SEC24D: variants seen among roughly 807,000 people sequenced by gnomAD.
The protein encoded by SEC24D is SEC24 homolog D, COPII component.
Under a neutral mutation model 116.9 loss-of-function variants are expected in SEC24D, and 69 were observed. That is an observed-to-expected ratio of 0.59 (90% CI 0.49 to 0.72). SEC24D has a LOEUF of 0.72. Ranked by LOEUF, SEC24D falls within the 30% of genes least tolerant of loss-of-function variation. The pLI, the probability that SEC24D is intolerant of heterozygous loss-of-function variation, is 0.00. For missense variants in SEC24D, 1,131 were observed against 1,264.1 expected (o/e 0.89, Z 1.60); for synonymous variants, 405 against 442.8 (o/e 0.91, Z 1.07).
intron 2 of SEC24D, among the ~76,000 whole-genome samples, chr4:118,832,795 T>G (rs944255005): frequency 6.6e-6 from 1 of 152,192 alleles, no homozygotes; most frequent in African/African-American, 2.4e-5. Flanking sequence ...AAATAAATGC[T>G]GAGGAGAAAT....
rs139422490 is a variant in SEC24D at position 118,741,008 on chromosome 4, G to A, written c.2025C>T (p.Asn675=). 1.2e-4 allele frequency: 193 copies of A among 1,586,232 alleles called. 1 individual carries two copies. The highest frequency in any genetic ancestry group is 5.3e-4 in the Middle Eastern group (3 of 5,688). ...TCTTTTCAATATCATTTCTGAGGTC[G>A]TTCAAAAATTGTTGTCTATCCAAGT... ...QMHLDRQQFL[N]DLRNDIEKKI... The change falls in exon 16 of 23, where the codon AAC becomes AAT. Residue 675 remains asparagine (N), a synonymous_variant. Transcript: ENST00000280551.
In SEC24D at chr4:118,740,704, G is replaced by A; in HGVS notation, c.2197C>T (p.His733Tyr). The change falls in exon 17 of 23, where the codon CAC (histidine) becomes TAC (tyrosine). Residue 733 changes from histidine to tyrosine, a missense_variant. Physicochemically the swap from His to Tyr is moderately conservative, Grantham distance 83. Coordinates refer to ENST00000280551, the MANE Select transcript of SEC24D (RefSeq NM_014822.4). ...CTGTCTTCACTGAGTTTGTCATCGT[G>A]CTTGAACTCCACGGTCACTGCCTTG... ...CDKAVTVEFK[H>Y]DDKLSEDSGA... The A allele has an allele frequency of 6.2e-7, 1 of 1,613,930 alleles. No individual in the cohort carries two copies. The highest frequency in any genetic ancestry group is 8.5e-7 in the Non-Finnish European group (1 of 1,179,842).
At chr4:118,816,977 A>G (rs1730177470) in intron 4 of SEC24D, 1 of 357,592 alleles carries the variant, frequency 2.8e-6, no homozygotes, top group Non-Finnish European at 5.1e-6. Flanking sequence ...CACTATTCTA[A>G]TGTTTATTTG....
chr4:118,750,838 A>C (rs1726789877), intron 13 of SEC24D, among the ~76,000 whole-genome samples: 1 of 151,970 alleles, frequency 6.6e-6, no homozygotes, highest in Admixed American at 6.6e-5. Flanking sequence ...TTTTATGTTA[A>C]ATTGACATAT....
At chr4:118,770,697 T>C (rs1365974148) in intron 8 of SEC24D, among the ~76,000 whole-genome samples, 1 of 152,166 alleles carries the variant, frequency 6.6e-6, no homozygotes, top group Non-Finnish European at 1.5e-5. Flanking sequence ...TTATTATCAC[T>C]GATATGATTT....
intron 3 of SEC24D, among the ~76,000 whole-genome samples, chr4:118,819,530 CAAAAAAAAAA>C (rs373794417): frequency 1.6e-5 from 1 of 60,928 alleles, no homozygotes; most frequent in African/African-American, 5.3e-5. Context: ...GACCCCGTCT[CAAAAAAAAAA>C]AAAAAAAAAA....
intron 19 of SEC24D, among the ~76,000 whole-genome samples, chr4:118,733,869 T>C (rs1396516639): frequency 6.6e-6 from 1 of 151,938 alleles, no homozygotes; most frequent in African/African-American, 2.4e-5. Flanking sequence ...GTACCTTCTC[T>C]CCACCCTCAC....
chr4:118,805,243 C>G (rs1310013582), intron 7 of SEC24D, among the ~76,000 whole-genome samples: 1 of 152,132 alleles, frequency 6.6e-6, no homozygotes, highest in African/African-American at 2.4e-5. Context: ...TGTTATGCTT[C>G]TAGGATTGAG....
Position 118,723,348 on chromosome 4 carries a change from T to C in SEC24D, c.*167A>G. The C allele has an allele frequency of 1.6e-6, 1 of 619,322 alleles. No homozygotes were observed. The highest frequency in any genetic ancestry group is 2.7e-6 in the Non-Finnish European group (1 of 366,110). The allele number at this position is 619,322 out of a possible 1,614,324, so 38.4% of individuals were successfully genotyped here. A position where few individuals can be genotyped will look rare whatever the true frequency, so the allele number is the denominator to read the frequency against. On this transcript the variant is annotated 3_prime_UTR_variant, in exon 23 of 23. Transcript: ENST00000280551. The stretch of plus-strand genomic sequence containing the variant: ...ATGGTACAATTGTACCTTAATTGGC[T>C]TTATACCTGAGCACCAAAGCTGAAG...
At chr4:118,757,363 G>A (rs948019714) in intron 11 of SEC24D, among the ~76,000 whole-genome samples, 1 of 152,100 alleles carries the variant, frequency 6.6e-6, no homozygotes, top group Non-Finnish European at 1.5e-5. Context: ...TCATCCCTTC[G>A]AACTCTGCCA....
At chr4:118,777,792 T>G (rs1337765271) in intron 8 of SEC24D, among the ~76,000 whole-genome samples, 3 of 152,232 alleles carry the variant, frequency 2.0e-5, no homozygotes, top group African/African-American at 7.2e-5. Flanking sequence ...GACTTTTTAA[T>G]GATCGCCATT....
At position 118,732,998 on chromosome 4, in the gene SEC24D, T is replaced by G; in HGVS notation, c.2497-86A>C. ...TTCATCTGTAAGACTGAAACATTATTTGCTTCTGAACTTGTAAGGATGTAA... is the reference window on the plus strand; with the variant it reads ...TTCATCTGTAAGACTGAAACATTATGTGCTTCTGAACTTGTAAGGATGTAA... On this transcript the variant is annotated intron_variant, in intron 19 of 22. Coordinates refer to ENST00000280551, the MANE Select transcript of SEC24D (RefSeq NM_014822.4). The G allele has an allele frequency of 2.5e-6, 3 of 1,202,520 alleles. No homozygotes were observed. In the South Asian group the frequency reaches 4.1e-5, roughly 17 times the overall value. The allele number at this position is 1,202,520 out of a possible 1,614,324, so 74.5% of individuals were successfully genotyped here.
At chr4:118,759,253 G>A (rs1727252897) in intron 10 of SEC24D, among the ~76,000 whole-genome samples, 2 of 152,094 alleles carry the variant, frequency 1.3e-5, no homozygotes, top group South Asian at 4.1e-4. Flanking sequence ...GCCAACTCAA[G>A]GCTTCAAAGT....
At chr4:118,806,029 T>A in intron 6 of SEC24D, 75 bp from the exon 7 acceptor site, 5 of 887,222 alleles carry the variant, frequency 5.6e-6, no homozygotes, top group Non-Finnish European at 9.0e-6. Flanking sequence ...AGAGTACCCT[T>A]GCTCTCTCCT....
intron 2 of SEC24D, among the ~76,000 whole-genome samples, chr4:118,830,296 C>T (rs1730790028): frequency 1.3e-5 from 2 of 152,206 alleles, no homozygotes; most frequent in Non-Finnish European, 2.9e-5. Flanking sequence ...GGTGCCGAGG[C>T]TAACGCCTAT....
chr4:118,781,706 A>C (rs1728421059), intron 8 of SEC24D, among the ~76,000 whole-genome samples: 1 of 152,132 alleles, frequency 6.6e-6, no homozygotes, highest in Non-Finnish European at 1.5e-5. Flanking sequence ...TCCATTCTCC[A>C]TGTCATTTTC....
chr4:118,732,937 A>C (rs1725768873), intron 19 of SEC24D, 25 bp from the exon 20 acceptor site: 17 of 1,590,756 alleles, frequency 1.1e-5, no homozygotes, highest in Non-Finnish European at 1.5e-5. Flanking sequence ...TTTTTGTTTC[A>C]TACGCTTGAT....
At chr4:118,765,352 G>A (rs571043226) in intron 9 of SEC24D, among the ~76,000 whole-genome samples, 6 of 152,328 alleles carry the variant, frequency 3.9e-5, no homozygotes, top group South Asian at 4.1e-4. Context: ...ATTAAGAGAT[G>A]TCTTCACCCA....
chr4:118,742,070 A>G (rs1322886451), intron 15 of SEC24D, among the ~76,000 whole-genome samples: 1 of 152,172 alleles, frequency 6.6e-6, no homozygotes, highest in East Asian at 1.9e-4. Context: ...TTTTTTAGTA[A>G]CATTGAAAGA....
Sources: allele counts gnomAD v4.1 joint callset (sites outside exome capture counted in the v4.1 genomes callset), GRCh38; gene constraint gnomAD v4.1.1; transcripts MANE v1.5; gene names NCBI Gene and HGNC (gene_info 2026-07-23, HGNC 2026-07-21).